The following NPNT variants were observed in gnomAD, a reference collection of about 807,000 sequenced individuals.
NPNT encodes nephronectin, also known as preosteoblast EGF-like repeat protein with MAM domain.
In NPNT, 45 loss-of-function variants were observed where a neutral mutation model predicts 68.6. That is an observed-to-expected ratio of 0.66 (90% CI 0.52 to 0.84). NPNT has a LOEUF of 0.84. NPNT is among the 40% of genes least tolerant of loss of function. The pLI is 0.00. For missense variants in NPNT, 672 were observed against 714.8 expected (o/e 0.94, Z 0.68); for synonymous variants, 233 against 253.3 (o/e 0.92, Z 0.76).
chr4:105,896,563 A>T (rs1162352025), intron 1 of NPNT, among the ~76,000 whole-genome samples: 1 of 152,160 alleles, frequency 6.6e-6, no homozygotes, highest in Non-Finnish European at 1.5e-5. Flanking sequence ...CTGCTGCGAA[A>T]AGAGGTTTTA....
intron 8 of NPNT, among the ~76,000 whole-genome samples, chr4:105,946,261 A>G: frequency 6.6e-6 from 1 of 152,226 alleles, no homozygotes; most frequent in Non-Finnish European, 1.5e-5. Flanking sequence ...TTAAACTTTA[A>G]GCAGTTGGTT....
At chr4:105,915,682 A>G (rs1727754929) in intron 2 of NPNT, among the ~76,000 whole-genome samples, 1 of 152,246 alleles carries the variant, frequency 6.6e-6, no homozygotes, top group Non-Finnish European at 1.5e-5. Flanking sequence ...GAGCTAGAGA[A>G]CACAGGAGAA....
At chr4:105,908,648 C>T (rs942771645) in intron 2 of NPNT, among the ~76,000 whole-genome samples, 1 of 151,754 alleles carries the variant, frequency 6.6e-6, no homozygotes, top group Non-Finnish European at 1.5e-5. Flanking sequence ...ACTGCAACCT[C>T]TGCCTCCTGG....
intron 8 of NPNT, among the ~76,000 whole-genome samples, chr4:105,946,587 C>T (rs889470926): frequency 2.6e-5 from 4 of 152,036 alleles, no homozygotes; most frequent in South Asian, 2.1e-4. Flanking sequence ...TCAGTAGGAC[C>T]GTGATGCCTA....
intron 10 of NPNT, among the ~76,000 whole-genome samples, chr4:105,964,514 A>C (rs1360441467): frequency 6.6e-6 from 1 of 152,214 alleles, no homozygotes; most frequent in Non-Finnish European, 1.5e-5. Flanking sequence ...ACTTCTTCCT[A>C]CAATATTTGA....
Position 105,895,538 on chromosome 4 carries a change from C to G in NPNT, c.-115C>G. ...CCGGGAGCGGCAGCAGTAGCCCGGG[C>G]GGCGAGGGCTGGGGGTTCCTCGAGA... On this transcript the variant is annotated 5_prime_UTR_variant, in exon 1 of 12. Coordinates refer to ENST00000379987, the MANE Select transcript of NPNT (RefSeq NM_001033047.3). 2 of 817,948 alleles carry G rather than the reference C, an allele frequency of 2.4e-6. No homozygotes were observed. Among genetic ancestry groups the G allele is most frequent in the Non-Finnish European group, 3.8e-6 (2 of 527,556 alleles). The allele number at this position is 817,948 out of a possible 1,614,324, so 50.7% of individuals were successfully genotyped here. A position where few individuals can be genotyped will look rare whatever the true frequency, so the allele number is the denominator to read the frequency against.
At chr4:105,938,917 G>A (rs1368811084) in intron 5 of NPNT, among the ~76,000 whole-genome samples, 1 of 152,084 alleles carries the variant, frequency 6.6e-6, no homozygotes. Context: ...TTTGAGCTTG[G>A]GTCTTCTTAT....
intron 2 of NPNT, among the ~76,000 whole-genome samples, chr4:105,918,000 A>T (rs917937246): frequency 1.3e-5 from 2 of 152,162 alleles, no homozygotes; most frequent in Non-Finnish European, 2.9e-5. Flanking sequence ...GGTCCCTCTA[A>T]CAATAGTTCA....
intron 10 of NPNT, among the ~76,000 whole-genome samples, chr4:105,960,009 ACC>A (rs1731586518): frequency 6.6e-6 from 1 of 151,960 alleles, no homozygotes; most frequent in Non-Finnish European, 1.5e-5. Context: ...ACTAGGTTTC[ACC>A]CTGTTAGCCA....
chr4:105,943,533 G>A (rs1345431429), intron 8 of NPNT, among the ~76,000 whole-genome samples: 1 of 152,138 alleles, frequency 6.6e-6, no homozygotes, highest in Non-Finnish European at 1.5e-5. Context: ...CTAGGTAAAG[G>A]GTAGCACCAC....
At chr4:105,960,561 A>C (rs1415285623) in intron 10 of NPNT, among the ~76,000 whole-genome samples, 1 of 152,232 alleles carries the variant, frequency 6.6e-6, no homozygotes, top group Non-Finnish European at 1.5e-5. Context: ...TAAATTCCTT[A>C]AAATAGGAAT....
At chr4:105,917,934 G>A (rs1727952147) in intron 2 of NPNT, among the ~76,000 whole-genome samples, 1 of 152,124 alleles carries the variant, frequency 6.6e-6, no homozygotes, top group South Asian at 2.1e-4. Flanking sequence ...ACATGATGAG[G>A]AGCCAGTGAA....
chr4:105,899,498 A>T (rs1480588508), intron 2 of NPNT, among the ~76,000 whole-genome samples: 1 of 152,190 alleles, frequency 6.6e-6, no homozygotes, highest in Non-Finnish European at 1.5e-5. Flanking sequence ...AGTGTACAGC[A>T]GCTTTGCCTA....
At chr4:105,912,078 G>T (rs942118813) in intron 2 of NPNT, 25 of 736,378 alleles carry the variant, frequency 3.4e-5, no homozygotes, top group Non-Finnish European at 5.6e-5. Flanking sequence ...AGCACTGAAA[G>T]TTGAATATGT....
Position 105,942,573 on chromosome 4 carries a change from C to T in NPNT, c.1030C>T (p.Pro344Ser). 8 of 1,614,052 alleles carry T rather than the reference C, an allele frequency of 5.0e-6. No homozygotes were observed. The highest frequency in any genetic ancestry group is 6.8e-6 in the Non-Finnish European group (8 of 1,180,006). The change falls in exon 8 of 12, where the codon CCT (proline) becomes TCT (serine). Residue 344 changes from proline (P) to serine (S), a missense_variant. Transcript: ENST00000379987. ...AACAGAGCTCAGAACACCTCTACCA[C>T]CTACAACCCCAGAAAGGCCAACCAC... is the stretch of plus-strand genomic sequence containing the variant. ...LPTELRTPLP[P>S]TTPERPTTGL...
At chr4:105,929,587 T>G (rs1728953884) in intron 3 of NPNT, 2 of 152,258 alleles carry the variant, frequency 1.3e-5, no homozygotes, top group Non-Finnish European at 2.9e-5. Context: ...AGCAGTGTTC[T>G]GGTTATTGGA....
intron 2 of NPNT, among the ~76,000 whole-genome samples, chr4:105,901,582 A>G (rs1726420339): frequency 6.6e-6 from 1 of 152,220 alleles, no homozygotes; most frequent in Non-Finnish European, 1.5e-5. Context: ...TTTGGCTGTC[A>G]TTGAGCAACT....
intron 10 of NPNT, among the ~76,000 whole-genome samples, chr4:105,959,809 C>CT (rs35297511): frequency 0.034 from 4,480 of 131,480 alleles, 144 homozygotes; most frequent in South Asian, 0.09. Context: ...GTAGTTAAAT[C>CT]TTTTTTTTTT....
At chr4:105,940,727 A>C in intron 7 of NPNT, 91 bp downstream of exon 7, 1 of 1,123,224 alleles carries the variant, frequency 8.9e-7, no homozygotes, top group East Asian at 2.4e-5. Context: ...GAATAAGATT[A>C]TCAAAGAAGT....
Sources: allele counts gnomAD v4.1 joint callset (sites outside exome capture counted in the v4.1 genomes callset), GRCh38; gene constraint gnomAD v4.1.1; transcripts MANE v1.5; gene names NCBI Gene and HGNC (gene_info 2026-07-23, HGNC 2026-07-21).